MED23: variants seen among roughly 807,000 people sequenced by gnomAD.
MED23 encodes mediator complex subunit 23, also known as mediator of RNA polymerase II transcription subunit 23.
In MED23, 105 loss-of-function variants were observed where a neutral mutation model predicts 163.9. The observed-to-expected ratio is 0.64, with a 90% CI of 0.55 to 0.75. The LOEUF (loss-of-function observed/expected upper bound fraction) is 0.75. Ranked by LOEUF, MED23 falls within the 30% of genes least tolerant of loss-of-function variation. The pLI is 0.00. For synonymous variants in MED23, 561 were observed against 565.6 expected (o/e 0.99, Z 0.12); for missense variants, 1,054 against 1,649.0 (o/e 0.64, Z 6.25).
At chr6:131,617,682 A>C (rs1442643559) in intron 9 of MED23, among the ~76,000 whole-genome samples, 1 of 152,216 alleles carries the variant, frequency 6.6e-6, no homozygotes, top group African/African-American at 2.4e-5. Flanking sequence ...CTGTTTTACA[A>C]AGACATTCTT....
intron 10 of MED23, among the ~76,000 whole-genome samples, chr6:131,613,679 A>C (rs751464396): frequency 3.3e-5 from 5 of 152,174 alleles, no homozygotes; most frequent in Admixed American, 1.3e-4. Context: ...TTACTGATGA[A>C]TTGTGAATTT....
Position 131,598,114 on chromosome 6 carries a change from C to G in MED23, c.2607+173G>C, listed in dbSNP as rs878933084. The G allele has an allele frequency of 1.5e-5, 11 of 728,006 alleles. No individual in the cohort carries two copies. Among genetic ancestry groups the G allele is most frequent in the South Asian group, 1.1e-4 (6 of 53,530 alleles). 45.1% of individuals were successfully genotyped at this position (728,006 alleles called of 1,614,324 possible). On this transcript the variant is annotated intron_variant, in intron 20 of 28. Transcript: ENST00000368068. The surrounding 1 kb of genome is among the most constrained non-coding windows in gnomAD (Gnocchi z 4.7). ...CAAAAAACAAACAAAAAAACAAAAA[C>G]AAACAAAAACAGAAATTGGAAAATT...
chr6:131,585,285 T>C (rs563250791), downstream of MED23, among the ~76,000 whole-genome samples: 1 of 152,314 alleles, frequency 6.6e-6, no homozygotes, highest in African/African-American at 2.4e-5. Flanking sequence ...CTCCCAGTAA[T>C]TTATGTGAAA....
intron 6 of MED23, among the ~76,000 whole-genome samples, chr6:131,621,260 TTAA>T (rs561292865): frequency 2.0e-5 from 3 of 152,174 alleles, no homozygotes; most frequent in Non-Finnish European, 4.4e-5. Context: ...GTGACTATGG[TTAA>T]TAACGATATA....
intron 16 of MED23, among the ~76,000 whole-genome samples, chr6:131,602,773 T>A (rs1480624339): frequency 6.6e-6 from 1 of 152,150 alleles, no homozygotes; most frequent in Non-Finnish European, 1.5e-5. Context: ...TACAACATAA[T>A]AATAAATACC....
At position 131,627,329 on chromosome 6, in the gene MED23, GAAA is replaced by G. The variant is rs60163644; in HGVS notation, c.159+64_159+66del. The G allele has an allele frequency of 6.6e-3, 5,717 of 869,392 alleles. 70 individuals carry two copies. In the African/African-American group the frequency reaches 0.068, roughly 10 times the overall value. The allele number at this position is 869,392 out of a possible 1,614,324, so 53.9% of individuals were successfully genotyped here. A position where few individuals can be genotyped will look rare whatever the true frequency, so the allele number is the denominator to read the frequency against. On this transcript the variant is annotated intron_variant, in intron 3 of 28. Coordinates refer to ENST00000368068, the MANE Select transcript of MED23 (RefSeq NM_004830.4). ...AGCAGCATGAAAGTAAATGTTAAAA[GAAA>G]AAAAAAAAAAAAAAGAAGAGGCCAA...
intron 10 of MED23, 41 bp from the exon 11 acceptor site, chr6:131,610,287 C>A (rs752645462): frequency 5.0e-6 from 8 of 1,593,534 alleles, no homozygotes; most frequent in South Asian, 1.1e-5. Flanking sequence ...AAAAGCCTCT[C>A]GGTTAGTTTC....
Position 131,581,221 on chromosome 6 carries a change from T to C in MED23, c.4095+6488A>G, listed in dbSNP as rs761773853. On this transcript the variant is annotated intron_variant, in intron 30 of 30. Transcript: ENST00000354577. ...ACACAAAATTTTTTCCCCAAAAGTT[T>C]GGCAATTGGAAGCATCTCTGGCCAT... 5 of 1,613,774 alleles carry C rather than the reference T, an allele frequency of 3.1e-6. No individual in the cohort carries two copies. The highest frequency in any genetic ancestry group is 4.2e-6 in the Non-Finnish European group (5 of 1,179,780).
chr6:131,611,204 GAT>G (rs1239325546), intron 10 of MED23, among the ~76,000 whole-genome samples: 1 of 152,012 alleles, frequency 6.6e-6, no homozygotes, highest in Non-Finnish European at 1.5e-5. Context: ...ATGAAAAAGG[GAT>G]ATGATTTTTT....
intron 28 of MED23, 72 bp from the exon 29 acceptor site, chr6:131,587,918 TA>T: frequency 7.5e-7 from 1 of 1,324,766 alleles, no homozygotes. Context: ...AAGCAGGATT[TA>T]CACATATCCG....
At chr6:131,616,171 C>A (rs921543750) in intron 9 of MED23, among the ~76,000 whole-genome samples, 169 bp from the exon 10 acceptor site, 1 of 152,008 alleles carries the variant, frequency 6.6e-6, no homozygotes, top group African/African-American at 2.4e-5. Flanking sequence ...TTCATCTGTT[C>A]CCACCCCTCA....
At chr6:131,597,474 T>G (rs1366589719) in intron 20 of MED23, among the ~76,000 whole-genome samples, 2 of 20,238 alleles carry the variant, frequency 9.9e-5, no homozygotes, top group African/African-American at 4.8e-4. Flanking sequence ...AGACTCCATA[T>G]CAAAAAAAAA....
In MED23 at chr6:131,624,968, G is replaced by A; in HGVS notation, c.181C>T (p.Gln61Ter). 5 of 1,613,584 alleles carry A rather than the reference G, an allele frequency of 3.1e-6. No homozygotes were observed. The highest frequency in any genetic ancestry group is 4.2e-6 in the Non-Finnish European group (5 of 1,179,906). Residue 61 changes from glutamine to a stop codon, truncating the protein, a stop_gained, in exon 4 of 29, where the codon CAG becomes TAG. Transcript: ENST00000368068. LOFTEE classifies it high-confidence loss of function. ...LSQESHEQCI[Q>*]WIVKFIHGQH... is the part of the protein sequence containing the mutation. Reference sequence around the variant, plus strand: ...CCATGAATAAACTTAACAATCCACTGGATACACTGTTCATGAGACTCCTGG... The same window carrying A: ...CCATGAATAAACTTAACAATCCACTAGATACACTGTTCATGAGACTCCTGG...
rs1776853942 is a variant in MED23, at chr6:131,618,500, T to C, written c.687A>G (p.Pro229=). 6.2e-7 allele frequency: 1 copy of C among 1,613,844 alleles called. No individual in the cohort carries two copies. Among genetic ancestry groups the C allele is most frequent in the East Asian group, 2.2e-5 (1 of 44,858 alleles). The change falls in exon 9 of 29, where the codon CCA becomes CCG. Residue 229 remains proline (P), a synonymous_variant. Coordinates refer to ENST00000368068, the MANE Select transcript of MED23 (RefSeq NM_004830.4). ...AAATGGCACCCGAATTATTTACAAC[T>C]GGCAGAAGACTACAGCGACCTGTAT... ...NSICGRCSLL[P]VVNNSGAICN... is the part of the protein sequence containing the mutation.
chr6:131,617,924 A>C (rs1217255672), intron 9 of MED23, among the ~76,000 whole-genome samples: 1 of 152,232 alleles, frequency 6.6e-6, no homozygotes, highest in Non-Finnish European at 1.5e-5. Flanking sequence ...TATCATTGTA[A>C]GGAAGTAATT....
intron 10 of MED23, among the ~76,000 whole-genome samples, chr6:131,613,881 C>T (rs1284453816): frequency 2.6e-5 from 4 of 152,022 alleles, no homozygotes; most frequent in East Asian, 1.9e-4. Context: ...GAGCTGCCCG[C>T]CCCCAAGAGA....
downstream of MED23, chr6:131,584,167 T>C (rs2114552900): frequency 4.4e-6 from 2 of 450,372 alleles, no homozygotes. Context: ...TGATTTCCAA[T>C]TAAAAATTTG....
intron 20 of MED23, 115 bp from the exon 21 acceptor site, chr6:131,596,803 G>C: frequency 9.8e-7 from 1 of 1,017,214 alleles, no homozygotes; most frequent in Non-Finnish European, 1.5e-6. Context: ...AATTTCCTTA[G>C]ACGTCTAGTC....
intron 27 of MED23, among the ~76,000 whole-genome samples, chr6:131,589,897 T>G (rs1258344673): frequency 6.6e-6 from 1 of 152,212 alleles, no homozygotes; most frequent in East Asian, 1.9e-4. Context: ...TCTCGATGTC[T>G]GGGATAACTC....
Sources: gnomAD v4.1 joint callset for allele counts (sites outside exome capture counted in the v4.1 genomes callset) on GRCh38, gnomAD v4.1.1 for gene constraint, Gnocchi (gnomAD v3.1) non-coding constraint, MANE v1.5 for transcripts, NCBI Gene and HGNC (gene_info 2026-07-23, HGNC 2026-07-21) for gene names.